The following ESR1 variants were observed in gnomAD, a reference collection of about 807,000 sequenced individuals.
ESR1 encodes estrogen receptor.
A neutral mutation model predicts 52.7 loss-of-function variants in ESR1; 12 were observed. That is an observed-to-expected ratio of 0.23 (90% CI 0.15 to 0.37). ESR1 has a LOEUF of 0.37. Ranked by LOEUF, ESR1 falls within the 10% of genes least tolerant of loss-of-function variation. The pLI is 1.00. For missense variants in ESR1, 584 were observed against 779.7 expected (o/e 0.75, Z 2.99); for synonymous variants, 305 against 316.8 (o/e 0.96, Z 0.39).
At chr6:151,705,217 A>G (rs115262918) in intron 2 of ESR1, among the ~76,000 whole-genome samples, 1,880 of 152,250 alleles carry the variant, frequency 0.012, 45 homozygotes, top group African/African-American at 0.043. Context: ...GGCTAGGATT[A>G]GCTGACTAAT....
At chr6:151,657,347 T>C (rs1777489621) in intron 1 of ESR1, among the ~76,000 whole-genome samples, 1 of 152,222 alleles carries the variant, frequency 6.6e-6, no homozygotes, top group African/African-American at 2.4e-5. Context: ...ATTTTAGTCA[T>C]TGTAAATTAC....
intron 1 of ESR1, among the ~76,000 whole-genome samples, chr6:151,679,758 T>G (rs1365411098): frequency 6.6e-6 from 1 of 152,196 alleles, no homozygotes; most frequent in Non-Finnish European, 1.5e-5. Flanking sequence ...TGCACTAGTG[T>G]CCTTTTTGTG....
chr6:151,715,415 A>G (rs1028534971), intron 2 of ESR1, among the ~76,000 whole-genome samples: 2 of 152,170 alleles, frequency 1.3e-5, no homozygotes, highest in East Asian at 1.9e-4. Context: ...CTCCTGGATA[A>G]TATCCTGAAA....
At chr6:151,707,717 T>A (rs779070577) in intron 2 of ESR1, among the ~76,000 whole-genome samples, 1 of 152,028 alleles carries the variant, frequency 6.6e-6, no homozygotes, top group Non-Finnish European at 1.5e-5. Context: ...TTGCCAGATA[T>A]ATTTTTTTTT....
At position 151,736,262 on chromosome 6, in the gene ESR1, A is replaced by G. The variant is rs112108968; in HGVS notation, c.-71+34257A>G. Among the ~76,000 whole-genome samples, 658 of 113,460 alleles carry G rather than the reference A, an allele frequency of 5.8e-3. 2 individuals are homozygous for G. Among genetic ancestry groups the G allele is most frequent in the Non-Finnish European group, 0.01 (475 of 46,184 alleles). 74.4% of individuals were successfully genotyped at this position (113,460 alleles called of 152,430 possible). On this transcript the variant is annotated intron_variant, in intron 2 of 2. Transcript: ENST00000404742. ...CATTTGCTTTTTAACTCTAAGTTACATGTAATAAACAATGAAATTGTATTG... is the reference window on the plus strand; with the variant it reads ...CATTTGCTTTTTAACTCTAAGTTACGTGTAATAAACAATGAAATTGTATTG...
chr6:151,746,977 C>A (rs1280803707), intron 2 of ESR1, among the ~76,000 whole-genome samples: 1 of 152,188 alleles, frequency 6.6e-6, no homozygotes, highest in Non-Finnish European at 1.5e-5. Context: ...GGAGGAAAAG[C>A]CATATAAGAT....
intron 4 of ESR1, among the ~76,000 whole-genome samples, chr6:151,975,801 T>G (rs1205842886): frequency 6.6e-6 from 1 of 152,242 alleles, no homozygotes; most frequent in Non-Finnish European, 1.5e-5. Flanking sequence ...CAAGTTGGCA[T>G]ATAGAATTAG....
At chr6:151,962,751 A>G (rs1433023808) in intron 4 of ESR1, among the ~76,000 whole-genome samples, 2 of 152,100 alleles carry the variant, frequency 1.3e-5, no homozygotes, top group African/African-American at 4.8e-5. Context: ...GCACACACTT[A>G]ATGGACCCTT....
intron 5 of ESR1, among the ~76,000 whole-genome samples, chr6:152,048,081 A>T (rs548364024): frequency 1.4e-5 from 2 of 144,602 alleles, no homozygotes; most frequent in Admixed American, 7.2e-5. Flanking sequence ...ATTAAATGTC[A>T]CTCCCTCGGC....
intron 2 of ESR1, among the ~76,000 whole-genome samples, chr6:151,715,066 TA>T (rs1780923427): frequency 6.6e-6 from 1 of 152,228 alleles, no homozygotes; most frequent in South Asian, 2.1e-4. Flanking sequence ...TGCTTGTCTG[TA>T]AAGGATCTTA....
intron 2 of ESR1, among the ~76,000 whole-genome samples, chr6:151,778,938 G>A (rs1361280448): frequency 8.0e-6 from 1 of 124,580 alleles, no homozygotes; most frequent in Non-Finnish European, 1.8e-5. Context: ...GCTAAAGAAA[G>A]CCTGTTTTTT....
At chr6:151,883,697 C>T (rs1049313854) in intron 3 of ESR1, among the ~76,000 whole-genome samples, 2 of 152,100 alleles carry the variant, frequency 1.3e-5, no homozygotes, top group Non-Finnish European at 2.9e-5. Flanking sequence ...ATACCATAGA[C>T]TGGGTGGCTT....
chr6:151,708,906 G>A (rs528638030), intron 2 of ESR1, among the ~76,000 whole-genome samples: 3 of 152,126 alleles, frequency 2.0e-5, no homozygotes, highest in South Asian at 4.1e-4. Context: ...TATATCACAC[G>A]TTGTGGAATG....
chr6:151,822,625 G>T (rs1467089308), intron 1 of ESR1, among the ~76,000 whole-genome samples: 1 of 152,212 alleles, frequency 6.6e-6, no homozygotes, highest in Non-Finnish European at 1.5e-5. Context: ...CTCCATGAAG[G>T]AGAGCTCCAG....
chr6:151,887,788 T>G (rs554038055), intron 3 of ESR1, among the ~76,000 whole-genome samples: 1 of 149,718 alleles, frequency 6.7e-6, no homozygotes, highest in African/African-American at 2.4e-5. Flanking sequence ...CTTAAGCTGG[T>G]TTTTTTTTTC....
intron 4 of ESR1, among the ~76,000 whole-genome samples, chr6:151,977,887 C>A (rs1262844491): frequency 6.9e-6 from 1 of 144,584 alleles, no homozygotes; most frequent in Non-Finnish European, 1.5e-5. Context: ...GTGTATGCAC[C>A]AACCCTTAGA....
intron 4 of ESR1, among the ~76,000 whole-genome samples, chr6:151,949,160 A>G (rs2036046552): frequency 1.3e-5 from 2 of 152,164 alleles, no homozygotes; most frequent in African/African-American, 4.8e-5. Context: ...TCTCTTTTGT[A>G]AGGGACAGAG....
chr6:151,996,501 C>CCACT (rs1432209775), intron 4 of ESR1, among the ~76,000 whole-genome samples: 1 of 152,042 alleles, frequency 6.6e-6, no homozygotes, highest in African/African-American at 2.4e-5. Flanking sequence ...CGTGGACTCC[C>CCACT]CACTGATTCA....
chr6:151,943,336 C>G (rs193086949), intron 3 of ESR1, among the ~76,000 whole-genome samples: 1 of 151,168 alleles, frequency 6.6e-6, no homozygotes, highest in African/African-American at 2.4e-5. Context: ...GCCGAGATCC[C>G]GCCACTGCAC....
Sources: gnomAD v4.1 joint callset for allele counts (sites outside exome capture counted in the v4.1 genomes callset) on GRCh38, gnomAD v4.1.1 for gene constraint, MANE v1.5 for transcripts, NCBI Gene and HGNC (gene_info 2026-07-23, HGNC 2026-07-21) for gene names.